HELLS: variants seen among roughly 807,000 people sequenced by gnomAD.
HELLS encodes lymphoid-specific helicase.
Under a neutral mutation model 120.0 loss-of-function variants are expected in HELLS, and 32 were observed. The ratio of observed to expected loss-of-function variants is 0.27; its 90% CI spans 0.20 to 0.36. HELLS has a LOEUF of 0.36. Among genes scored for constraint, HELLS ranks in the 10% least tolerant of loss-of-function variants. The pLI, the probability that HELLS is intolerant of heterozygous loss-of-function variation, is 1.00. For missense variants in HELLS, 650 were observed against 993.4 expected (o/e 0.65, Z 4.65); for synonymous variants, 341 against 323.4 (o/e 1.05, Z -0.58).
chr10:94,584,052 C>A, intron 12 of HELLS: 1 of 1,242,330 alleles, frequency 8.0e-7, no homozygotes, highest in Non-Finnish European at 1.1e-6. Flanking sequence ...GGCAAATTGC[C>A]CTCCAGAAAA....
chr10:94,568,187 C>T (rs928054279), intron 6 of HELLS, among the ~76,000 whole-genome samples: 3 of 149,512 alleles, frequency 2.0e-5, no homozygotes, highest in Non-Finnish European at 3.0e-5. Flanking sequence ...GGATTACAGG[C>T]GTGAGCCACC....
Position 94,545,880 on chromosome 10 carries a change from C to A in HELLS, c.-42C>A. 1 of 1,550,958 alleles carries A rather than the reference C, an allele frequency of 6.4e-7. No homozygotes were observed. Among genetic ancestry groups the A allele is most frequent in the Non-Finnish European group, 8.7e-7 (1 of 1,146,118 alleles). ...AGGAGTTAGCTCGCGGCATTGCAGG[C>A]TCTGAGAGGAGGGGACCCGGTTCCC... On this transcript the variant is annotated 5_prime_UTR_variant, in exon 1 of 22. Coordinates refer to ENST00000348459, the MANE Select transcript of HELLS (RefSeq NM_018063.5).
chr10:94,598,872 G>A (rs895156735), intron 21 of HELLS, among the ~76,000 whole-genome samples: 5 of 151,966 alleles, frequency 3.3e-5, no homozygotes. Context: ...TATTTTCAAT[G>A]AATTTTCATC....
chr10:94,571,508 A>G (rs1282238184), intron 7 of HELLS, 79 bp downstream of exon 7: 3 of 1,197,368 alleles, frequency 2.5e-6, no homozygotes, highest in Non-Finnish European at 3.5e-6. Context: ...TTTAATCAGC[A>G]GTATACGTTC....
At chr10:94,567,071 T>C (rs536420202) in intron 6 of HELLS, among the ~76,000 whole-genome samples, 1 of 152,340 alleles carries the variant, frequency 6.6e-6, no homozygotes, top group East Asian at 1.9e-4. Flanking sequence ...ATTCTCACCT[T>C]ACTTGCTGAA....
intron 12 of HELLS, among the ~76,000 whole-genome samples, chr10:94,586,305 T>G (rs1845144708): frequency 6.6e-6 from 1 of 152,078 alleles, no homozygotes; most frequent in Admixed American, 6.5e-5. Flanking sequence ...TATTTTTTAG[T>G]AGAGACGGAG....
At chr10:94,604,389 G>C (rs1021453354), downstream of HELLS, among the ~76,000 whole-genome samples, 3 of 152,094 alleles carry the variant, frequency 2.0e-5, no homozygotes, top group Non-Finnish European at 4.4e-5. Flanking sequence ...CTAAGTGCTG[G>C]GATTACAGGC....
chr10:94,546,402 A>G lies in HELLS; in HGVS notation c.57A>G (p.Glu19=). ...GCTCGGAGGCTCCAGCAATGGTTGAACAACTGGACACTGCTGTGATTACCC... is the reference window on the plus strand; with the variant it reads ...GCTCGGAGGCTCCAGCAATGGTTGAGCAACTGGACACTGCTGTGATTACCC... ...SGGSEAPAMV[E]QLDTAVITPA... is the part of the protein sequence containing the mutation. Residue 19 remains glutamate (E), a synonymous_variant, in exon 2 of 22, where the codon GAA becomes GAG. Coordinates refer to ENST00000348459, the MANE Select transcript of HELLS (RefSeq NM_018063.5). 6.2e-7 allele frequency: 1 copy of G among 1,614,178 alleles called. No homozygotes were observed. The highest frequency in any genetic ancestry group is 2.2e-5 in the East Asian group (1 of 44,870).
intron 1 of HELLS, among the ~76,000 whole-genome samples, 183 bp from the exon 2 acceptor site, chr10:94,546,194 G>A (rs913874333): frequency 6.6e-6 from 1 of 152,176 alleles, no homozygotes; most frequent in African/African-American, 2.4e-5. Flanking sequence ...GTAAACTGTG[G>A]TCCAGGCGAC....
At chr10:94,569,527 T>C (rs1219495187) in intron 6 of HELLS, 1 of 152,180 alleles carries the variant, frequency 6.6e-6, no homozygotes, top group Non-Finnish European at 1.5e-5. Context: ...TACCACACTT[T>C]TGAAAGTCGA....
chr10:94,585,159 C>T (rs1472428619), intron 12 of HELLS, among the ~76,000 whole-genome samples: 1 of 151,474 alleles, frequency 6.6e-6, no homozygotes, highest in Non-Finnish European at 1.5e-5. Context: ...TTTCTATTTC[C>T]ACCCCATATT....
At position 94,587,435 on chromosome 10, in the gene HELLS, G is replaced by A. The variant is rs1021951186; in HGVS notation, c.1327-794G>A. 3.3e-5 allele frequency among the ~76,000 whole-genome samples: 5 copies of A among 152,094 alleles called. No homozygotes were observed. In the East Asian group the frequency reaches 5.8e-4, roughly 18 times the overall value. On this transcript the variant is annotated intron_variant, in intron 12 of 21. Transcript: ENST00000348459. The stretch of plus-strand genomic sequence containing the variant: ...GATCCAGTTATACACTTTTGTGTGT[G>A]TGTGTGTGTGGAGACAGAGTCTTGC...
exon 9 of HELLS, chr10:94,608,012 A>C (rs1846146304): frequency 3.1e-6 from 1 of 326,326 alleles, no homozygotes; most frequent in African/African-American, 2.2e-5. Flanking sequence ...AGCGTGAGCC[A>C]CTGCGTGGCC....
At chr10:94,556,153 C>A (rs951882833) in intron 3 of HELLS, among the ~76,000 whole-genome samples, 3 of 152,138 alleles carry the variant, frequency 2.0e-5, no homozygotes, top group African/African-American at 7.2e-5. Context: ...GGTGCTTTCA[C>A]CCCGTAGATA....
rs541223619 is a variant in HELLS at position 94,588,461 on chromosome 10, T to G, written c.1488+71T>G. The G allele has an allele frequency of 2.0e-5, 23 of 1,138,772 alleles. No homozygotes were observed. The East Asian group carries it at 3.1e-4, about 16-fold the overall frequency. 70.5% of individuals were successfully genotyped at this position (1,138,772 alleles called of 1,614,324 possible). A position where few individuals can be genotyped will look rare whatever the true frequency, so the allele number is the denominator to read the frequency against. The stretch of plus-strand genomic sequence containing the variant: ...AATTTCTCTTTTTTCCCTTTTTTTT[T>G]GAGAGAAGGTGTCGCTCTGTCACCC... On this transcript the variant is annotated intron_variant, in intron 13 of 21. Transcript: ENST00000348459.
At chr10:94,598,863 A>T (rs184747375) in intron 21 of HELLS, among the ~76,000 whole-genome samples, 1 of 152,036 alleles carries the variant, frequency 6.6e-6, no homozygotes, top group African/African-American at 2.4e-5. Context: ...TCTATGATCT[A>T]TTTTCAATGA....
chr10:94,603,283 A>G (rs530065173), downstream of HELLS, among the ~76,000 whole-genome samples: 1 of 152,226 alleles, frequency 6.6e-6, no homozygotes, highest in South Asian at 2.1e-4. Flanking sequence ...ATTCATTTCC[A>G]TTGGAGCTGG....
At chr10:94,572,826 C>G (rs763761435) in intron 7 of HELLS, among the ~76,000 whole-genome samples, 1 of 152,162 alleles carries the variant, frequency 6.6e-6, no homozygotes, top group Non-Finnish European at 1.5e-5. Context: ...TTATTGTCAG[C>G]ATTTGATAGT....
chr10:94,567,928 GGAGA>G (rs1843913730), intron 6 of HELLS, among the ~76,000 whole-genome samples: 1 of 61,896 alleles, frequency 1.6e-5, no homozygotes, highest in African/African-American at 8.0e-5. Flanking sequence ...TTTTTTTTTT[GGAGA>G]GAGAGTCTCG....
Sources: allele counts gnomAD v4.1 joint callset (sites outside exome capture counted in the v4.1 genomes callset), GRCh38; gene constraint gnomAD v4.1.1; transcripts MANE v1.5; gene names NCBI Gene and HGNC (gene_info 2026-07-23, HGNC 2026-07-21).